The following PDXDC1 variants were observed in gnomAD, a reference collection of about 807,000 sequenced individuals.
PDXDC1 encodes pyridoxal dependent decarboxylase domain containing 1, also known as pyridoxal-dependent decarboxylase domain-containing protein 1.
PDXDC1 carries 42 observed loss-of-function variants against 100.1 expected under a neutral mutation model. The observed-to-expected ratio is 0.42, with a 90% CI of 0.33 to 0.54. The LOEUF (loss-of-function observed/expected upper bound fraction) is 0.54. Ranked by LOEUF, PDXDC1 falls within the 20% of genes least tolerant of loss-of-function variation. The probability of loss-of-function intolerance (pLI) is 0.10; values close to 1 mark genes in which losing one functional copy is unlikely to be tolerated. For missense variants in PDXDC1, 636 were observed against 979.2 expected, an observed-to-expected ratio of 0.65 and a Z score of 4.68; for synonymous variants, 260 against 371.7, an observed-to-expected ratio of 0.70 and a Z score of 3.46.
chr16:14,987,996 T>C (rs1298697656), intron 1 of PDXDC1, among the ~76,000 whole-genome samples: 2 of 145,746 alleles, frequency 1.4e-5, no homozygotes, highest in Non-Finnish European at 3.0e-5. Context: ...ACAATTCTTT[T>C]TTTTTTTTTT....
chr16:15,019,841 G>A (rs1211657257), intron 12 of PDXDC1, among the ~76,000 whole-genome samples: 2 of 152,284 alleles, frequency 1.3e-5, no homozygotes, highest in African/African-American at 4.8e-5. Flanking sequence ...GGCTGGGCAT[G>A]GTGGCTCACG....
At chr16:15,111,460 A>G (rs1468940827) in intron 16 of PDXDC1, among the ~76,000 whole-genome samples, 7 of 143,580 alleles carry the variant, frequency 4.9e-5, no homozygotes, top group Non-Finnish European at 7.9e-5. Context: ...CTGTCTCAAA[A>G]AAAAAAAAAA....
chr16:15,016,593 C>T (rs1420556317), intron 9 of PDXDC1, among the ~76,000 whole-genome samples: 1 of 152,288 alleles, frequency 6.6e-6, no homozygotes, highest in Non-Finnish European at 1.5e-5. Context: ...ACAGAAGTCT[C>T]GTATTGAACC....
chr16:15,071,026 G>A, intron 16 of PDXDC1: 1 of 1,099,816 alleles, frequency 9.1e-7, no homozygotes. Context: ...TTAAAAACAT[G>A]CCAAAAAAAA....
At chr16:15,130,367 C>T (rs773089895) in intron 16 of PDXDC1, 39 of 1,567,476 alleles carry the variant, frequency 2.5e-5, no homozygotes, top group South Asian at 1.9e-4. Context: ...GGCACAGGGA[C>T]GTGTACAGGC....
At position 15,033,279 on chromosome 16, in the gene PDXDC1, C is replaced by A. The variant is rs767945035; in HGVS notation, c.1692C>A (p.Gly564=). 1.2e-6 allele frequency: 2 copies of A among 1,614,122 alleles called. No individual in the cohort carries two copies. Among genetic ancestry groups the A allele is most frequent in the Non-Finnish European group, 1.7e-6 (2 of 1,179,988 alleles). ...ELESDLTFKI[G]PEYKSMKSCL... ...AAGTTTGTCTCGTTACCTTTGCAGG[C>A]CCTGAGTATAAGAGCATGAAGAGCT... is the stretch of plus-strand genomic sequence containing the variant. The change falls in exon 19 of 23, where the codon GGC becomes GGA. Residue 564 remains glycine (G), a splice_region_variant and synonymous_variant. Transcript: ENST00000396410.
At chr16:15,053,739 C>T (rs891317806) in intron 16 of PDXDC1, among the ~76,000 whole-genome samples, 2 of 151,964 alleles carry the variant, frequency 1.3e-5, no homozygotes, top group African/African-American at 4.8e-5. Context: ...GGTGAAAACC[C>T]GTCTCTACTA....
chr16:15,036,980 T>C lies in PDXDC1; in HGVS notation c.*705T>C, dbSNP rs1009185944. 6.6e-6 allele frequency: 1 copy of C among 152,456 alleles called. No individual in the cohort carries two copies. The highest frequency in any genetic ancestry group is 2.4e-5 in the African/African-American group (1 of 41,446). The allele number at this position is 152,456 out of a possible 1,614,324, so 9.4% of individuals were successfully genotyped here. ...TATATTTTTAAATACTGGCAAAGCTTTTAAAATTGGCACACAAGTACAGAC... is the reference window on the plus strand; with the variant it reads ...TATATTTTTAAATACTGGCAAAGCTCTTAAAATTGGCACACAAGTACAGAC... On this transcript the variant is annotated 3_prime_UTR_variant, in exon 23 of 23. Coordinates refer to ENST00000396410, the MANE Select transcript of PDXDC1 (RefSeq NM_015027.4).
At chr16:15,102,753 C>A (rs1308017742) in intron 16 of PDXDC1, among the ~76,000 whole-genome samples, 1 of 145,056 alleles carries the variant, frequency 6.9e-6, no homozygotes, top group East Asian at 2.0e-4. Flanking sequence ...GAGTTCGAGA[C>A]CAGCCTAGGC....
chr16:15,104,240 A>G (rs2046677842), intron 16 of PDXDC1: 1 of 1,269,790 alleles, frequency 7.9e-7, no homozygotes, highest in African/African-American at 1.6e-5. Flanking sequence ...AACCCCTACG[A>G]TTAAAAACCT....
chr16:14,981,006 GT>G (rs1386468441), intron 1 of PDXDC1, among the ~76,000 whole-genome samples: 1 of 152,298 alleles, frequency 6.6e-6, no homozygotes, highest in Non-Finnish European at 1.5e-5. Flanking sequence ...AGGAGGTTGC[GT>G]TCTGGTAAGG....
At chr16:15,047,965 G>A (rs1205752183) in intron 16 of PDXDC1, 1 of 1,602,220 alleles carries the variant, frequency 6.2e-7, no homozygotes, top group South Asian at 1.1e-5. Context: ...AGCCTTTTGG[G>A]ATAACGCCCA....
intron 16 of PDXDC1, among the ~76,000 whole-genome samples, chr16:15,074,282 C>T (rs906368969): frequency 1.3e-5 from 2 of 152,134 alleles, no homozygotes; most frequent in East Asian, 3.8e-4. Context: ...ATTCTGTTTT[C>T]GCCTGGCAAA....
chr16:15,131,472 G>A, intron 16 of PDXDC1: 1 of 1,607,728 alleles, frequency 6.2e-7, no homozygotes, highest in Non-Finnish European at 8.5e-7. Flanking sequence ...CAGGCCCTGG[G>A]GCGCCGCCAT....
intron 16 of PDXDC1, chr16:15,084,802 A>G: frequency 1.2e-6 from 1 of 858,826 alleles, no homozygotes; most frequent in South Asian, 1.4e-5. Context: ...ACAGTGGCTC[A>G]CGCCTGTAAT....
rs57542228 is a variant in PDXDC1 at position 15,032,668 on chromosome 16, A to AAAG, written c.1572-192_1572-191insAGA. 18 of 380,202 alleles carry AAAG rather than the reference A, an allele frequency of 4.7e-5. 1 individual carries two copies. Among genetic ancestry groups the AAAG allele is most frequent in the African/African-American group, 8.9e-5 (4 of 44,958 alleles). The allele number at this position is 380,202 out of a possible 1,614,324, so 23.6% of individuals were successfully genotyped here. ...GACCCTGCTTTAAAAAAAAAAAAAA[A>AAAG]AGGCTTTCCTGTGACTTTCTCTTTA... On this transcript the variant is annotated intron_variant, in intron 17 of 22. Transcript: ENST00000396410.
chr16:15,096,747 A>T (rs1233869510), intron 16 of PDXDC1, among the ~76,000 whole-genome samples: 1 of 152,276 alleles, frequency 6.6e-6, no homozygotes, highest in Non-Finnish European at 1.5e-5. Context: ...CAATGGCGCG[A>T]TCATGGCTCG....
In PDXDC1 at chr16:14,981,827, T is replaced by C. The variant is rs1333418789; in HGVS notation, c.21+6607T>C. Among the ~76,000 whole-genome samples, 29 of 147,544 alleles carry C rather than the reference T, an allele frequency of 2.0e-4. No individual in the cohort carries two copies. In the Admixed American group the frequency reaches 2.0e-3, roughly 10 times the overall value. ...CTGTTGGGTATTTTTGTCCTTTTCTTTTGTTTCTTTTTTTTTTTTGAGATG... is the reference window on the plus strand; with the variant it reads ...CTGTTGGGTATTTTTGTCCTTTTCTCTTGTTTCTTTTTTTTTTTTGAGATG... On this transcript the variant is annotated intron_variant, in intron 1 of 22. Coordinates refer to ENST00000396410, the MANE Select transcript of PDXDC1 (RefSeq NM_015027.4).
intron 1 of PDXDC1, among the ~76,000 whole-genome samples, chr16:14,976,053 C>T (rs1360035645): frequency 6.6e-6 from 1 of 152,294 alleles, no homozygotes; most frequent in Non-Finnish European, 1.5e-5. Context: ...CGTGGTGTAC[C>T]AGGCTGACTG....
Sources: allele counts gnomAD v4.1 joint callset (sites outside exome capture counted in the v4.1 genomes callset), GRCh38; gene constraint gnomAD v4.1.1; transcripts MANE v1.5; gene names NCBI Gene and HGNC (gene_info 2026-07-23, HGNC 2026-07-21).